FAM83G: variants seen among roughly 807,000 people sequenced by gnomAD.
FAM83G encodes the protein scaffolding CK1 anchoring protein G.
FAM83G carries 38 observed loss-of-function variants against 61.5 expected under a neutral mutation model. The ratio of observed to expected loss-of-function variants is 0.62; its 90% CI spans 0.48 to 0.81. FAM83G has a LOEUF of 0.81. FAM83G is among the 30% of genes least tolerant of loss of function. The pLI is 0.00. For missense variants in FAM83G, 989 were observed against 1,133.6 expected, an observed-to-expected ratio of 0.87 and a Z score of 1.83; for synonymous variants, 470 against 476.1, an observed-to-expected ratio of 0.99 and a Z score of 0.17.
At chr17:18,997,534 T>TA (rs1466909330) in intron 2 of FAM83G, among the ~76,000 whole-genome samples, 1 of 152,214 alleles carries the variant, frequency 6.6e-6, no homozygotes, top group African/African-American at 2.4e-5. Context: ...CAAAAGCCTT[T>TA]AAAACCTCAG....
rs753502256 is a variant in FAM83G, at chr17:19,004,011, C to A, written c.31G>T (p.Asp11Tyr). 3 of 1,608,510 alleles carry A rather than the reference C, an allele frequency of 1.9e-6. No individual in the cohort carries two copies. Among genetic ancestry groups the A allele is most frequent in the Non-Finnish European group, 2.5e-6 (3 of 1,177,446 alleles). ...CTGGAGCGCCAGTTCACATGGTTGT[C>A]GTCCAGACACTGCACCTGAGAGAAG... is the stretch of plus-strand genomic sequence containing the variant. MAFSQVQCLD[D>Y]NHVNWRSSES... The change falls in exon 2 of 6, where the codon GAC (aspartate) becomes TAC (tyrosine). Residue 11 changes from aspartate to tyrosine, a missense_variant. Asp to Tyr is a radical substitution (Grantham distance 160). Coordinates refer to ENST00000388995, the MANE Select transcript of FAM83G (RefSeq NM_001039999.3). The surrounding 1 kb of genome is among the most constrained non-coding windows in gnomAD (Gnocchi z 5.4).
At position 18,996,017 on chromosome 17, in the gene FAM83G, C is replaced by T. The variant is rs934285231; in HGVS notation, c.522+7503G>A. 5.9e-5 allele frequency among the ~76,000 whole-genome samples: 9 copies of T among 151,370 alleles called. No individual in the cohort carries two copies. The highest frequency in any genetic ancestry group is 8.8e-5 in the Non-Finnish European group (6 of 67,942). ...CACTTAAAGTCAGTAACAAAGAGAG[C>T]GTTAAAAACAACCAGAAGAGAAAAG... On this transcript the variant is annotated intron_variant, in intron 2 of 5. Coordinates refer to ENST00000388995, the MANE Select transcript of FAM83G (RefSeq NM_001039999.3). The surrounding 1 kb of genome is among the most constrained non-coding windows in gnomAD (Gnocchi z 4.4).
chr17:18,981,715 T>C (rs1373006810), intron 3 of FAM83G, among the ~76,000 whole-genome samples: 2 of 152,156 alleles, frequency 1.3e-5, no homozygotes, highest in Admixed American at 6.5e-5. Flanking sequence ...AGCCTTTTCA[T>C]AGGGCCCAGT....
upstream of FAM83G, among the ~76,000 whole-genome samples, chr17:19,005,042 C>A (rs2043845022): frequency 1.3e-5 from 2 of 152,202 alleles, no homozygotes; most frequent in Non-Finnish European, 2.9e-5. Context: ...CCCCTGTGCC[C>A]CCAGGGTCTG....
rs748232969 is a variant in FAM83G at position 19,003,723 on chromosome 17, C to T, written c.319G>A (p.Val107Ile). 1.9e-6 allele frequency: 3 copies of T among 1,603,582 alleles called. No individual in the cohort carries two copies. Among genetic ancestry groups the T allele is most frequent in the African/African-American group, 2.7e-5 (2 of 74,518 alleles). The change falls in exon 2 of 6, where the codon GTC becomes ATC. Residue 107 changes from valine (V) to isoleucine (I), a missense_variant. Val to Ile is a conservative substitution (Grantham distance 29). Transcript: ENST00000388995. This position sits in a 1 kb window ranked among gnomAD's most constrained non-coding sequence, Gnocchi z 4.5. ...DGEEASGADG[V>I]PIEAEPLPSL... is the part of the protein sequence containing the mutation. Reference sequence around the variant, plus strand: ...GGCAGCGGCTCGGCCTCGATGGGGACCCCATCCGCCCCGCTGGCTTCCTCG... The same window carrying T: ...GGCAGCGGCTCGGCCTCGATGGGGATCCCATCCGCCCCGCTGGCTTCCTCG...
At chr17:18,983,778 G>A (rs2043196384) in intron 3 of FAM83G, among the ~76,000 whole-genome samples, 1 of 152,196 alleles carries the variant, frequency 6.6e-6, no homozygotes, top group African/African-American at 2.4e-5. Flanking sequence ...TGGGCCCTTT[G>A]TGAACCACAT....
At chr17:18,976,686 G>A in intron 5 of FAM83G, 1 of 854,292 alleles carries the variant, frequency 1.2e-6, no homozygotes, top group South Asian at 1.8e-5. Flanking sequence ...AGCTCTCCTG[G>A]TGGGACCCTG....
At chr17:18,978,903 C>T in intron 4 of FAM83G, 53 bp from the exon 5 acceptor site, 1 of 1,588,692 alleles carries the variant, frequency 6.3e-7, no homozygotes, top group Non-Finnish European at 8.6e-7. Context: ...CTTCCTCCGC[C>T]CAGCCCCCGT....
intron 2 of FAM83G, among the ~76,000 whole-genome samples, chr17:18,989,875 C>T (rs149242256): frequency 1.2e-4 from 19 of 152,282 alleles, no homozygotes; most frequent in Non-Finnish European, 2.1e-4. Context: ...GACCTACCTC[C>T]GAGTCAGGTC....
intron 2 of FAM83G, among the ~76,000 whole-genome samples, chr17:18,993,726 C>T (rs949100649): frequency 1.3e-5 from 2 of 152,136 alleles, no homozygotes; most frequent in South Asian, 2.1e-4. Context: ...TCTTGGGGTT[C>T]GTTATTCTCC....
chr17:18,988,329 A>G lies in FAM83G; in HGVS notation c.608T>C (p.Val203Ala). The G allele has an allele frequency of 6.2e-7, 1 of 1,614,224 alleles. No homozygotes were observed. The highest frequency in any genetic ancestry group is 8.5e-7 in the Non-Finnish European group (1 of 1,180,036). The stretch of plus-strand genomic sequence containing the variant: ...GTTACTCTCATCCACGATGATGTAC[A>G]CGGCCACTTTCCTCTTGAAGCCGGC... ...LDAGFKRKVA[V>A]YIIVDESNVK... The change falls in exon 3 of 6, where the codon GTG (valine) becomes GCG (alanine). Residue 203 changes from valine to alanine, a missense_variant. This residue lies in a region of FAM83G where 371 missense variants were observed against 404.5 expected (regional missense o/e 0.92). Transcript: ENST00000388995.
intron 3 of FAM83G, among the ~76,000 whole-genome samples, chr17:18,981,246 G>A (rs947134819): frequency 6.6e-6 from 1 of 152,146 alleles, no homozygotes; most frequent in Non-Finnish European, 1.5e-5. Context: ...GTCACAGGGG[G>A]AGGTGGGGAA....
At chr17:18,986,438 ACCC>A (rs1342337393) in intron 3 of FAM83G, 1 of 152,114 alleles carries the variant, frequency 6.6e-6, no homozygotes, top group African/African-American at 2.4e-5. Context: ...TTTAGGCGCC[ACCC>A]CTAAATTGGT....
At chr17:18,974,622 G>A (rs1232867294) in intron 5 of FAM83G, among the ~76,000 whole-genome samples, 2 of 152,186 alleles carry the variant, frequency 1.3e-5, no homozygotes, top group Non-Finnish European at 1.5e-5. Flanking sequence ...CGTGGGCAGC[G>A]TGCTGACTCC....
At chr17:18,983,548 T>TC (rs576019576) in intron 3 of FAM83G, among the ~76,000 whole-genome samples, 521 of 152,290 alleles carry the variant, frequency 3.4e-3, no homozygotes, top group African/African-American at 0.012. Context: ...CAGAGATGCA[T>TC]CCTTGACCAG....
At chr17:18,986,377 G>A (rs544593382) in intron 3 of FAM83G, 1 of 152,350 alleles carries the variant, frequency 6.6e-6, no homozygotes, top group African/African-American at 2.4e-5. Flanking sequence ...TGCTGCTTGA[G>A]TACCAGGGAT....
Position 18,978,604 on chromosome 17 carries a change from G to A in FAM83G, c.1062C>T (p.Ala354=), listed in dbSNP as rs2043048140. ...TCTTGGCAATCTCGTCGACGCTCTT[G>A]GCCTTGACAAGTGCGTACTTGGGGT... The part of the protein sequence containing the change: ...LVNPKYALVK[A]KSVDEIAKIS... Residue 354 remains alanine, a synonymous_variant, in exon 5 of 6, where the codon GCC becomes GCT. Transcript: ENST00000388995. 6.2e-7 allele frequency: 1 copy of A among 1,613,194 alleles called. No homozygotes were observed. Among genetic ancestry groups the A allele is most frequent in the Non-Finnish European group, 8.5e-7 (1 of 1,180,008 alleles).
rs74515262 is a variant in FAM83G at position 18,980,931 on chromosome 17, C to T, written c.691-1258G>A. ...CTGTGATGGGAGTCTCACTCCCTCCCGAGGGGCTCTGTGCCGGCTTCTGGC... is the reference window on the plus strand; with the variant it reads ...CTGTGATGGGAGTCTCACTCCCTCCTGAGGGGCTCTGTGCCGGCTTCTGGC... On this transcript the variant is annotated intron_variant, in intron 3 of 5. Coordinates refer to ENST00000388995, the MANE Select transcript of FAM83G (RefSeq NM_001039999.3). 1.8e-3 allele frequency among the ~76,000 whole-genome samples: 276 copies of T among 152,202 alleles called. 1 individual carries two copies. The highest frequency in any genetic ancestry group is 5.3e-3 in the African/African-American group (219 of 41,524).
chr17:18,989,771 G>A (rs1183218029), intron 2 of FAM83G, among the ~76,000 whole-genome samples: 1 of 152,248 alleles, frequency 6.6e-6, no homozygotes. Flanking sequence ...CAGGCACCAT[G>A]GTGGTGACAG....
Sources: gnomAD v4.1 joint callset for allele counts (sites outside exome capture counted in the v4.1 genomes callset) on GRCh38, gnomAD v4.1.1 for gene constraint, gnomAD v4.1.1 regional missense constraint, Gnocchi (gnomAD v3.1) non-coding constraint, MANE v1.5 for transcripts, NCBI Gene and HGNC (gene_info 2026-07-23, HGNC 2026-07-21) for gene names.